Variants in AGBL1 observed in about 807,000 individuals in gnomAD.
The protein encoded by AGBL1 is cytosolic carboxypeptidase 4.
In AGBL1, 130 loss-of-function variants were observed where a neutral mutation model predicts 118.9. The ratio of observed to expected loss-of-function variants is 1.09; its 90% CI spans 0.95 to 1.26. The LOEUF is 1.26. Ranked by LOEUF, AGBL1 falls within the 50% of genes most tolerant of loss-of-function variation. The probability of loss-of-function intolerance (pLI) is 0.00; values close to 1 mark genes in which losing one functional copy is unlikely to be tolerated. For missense variants in AGBL1, 1,584 were observed against 1,298.1 expected, an observed-to-expected ratio of 1.22 and a Z score of -3.38; for synonymous variants, 555 against 478.9, an observed-to-expected ratio of 1.16 and a Z score of -2.08.
chr15:86,490,397 C>T (rs185512068), intron 18 of AGBL1, among the ~76,000 whole-genome samples: 8 of 152,174 alleles, frequency 5.3e-5, no homozygotes, highest in Non-Finnish European at 1.0e-4. Flanking sequence ...AACCTCTGCT[C>T]GTTAGAACGA....
At chr15:86,817,552 CAG>C (rs1215610261) in intron 22 of AGBL1, among the ~76,000 whole-genome samples, 5 of 130,184 alleles carry the variant, frequency 3.8e-5, no homozygotes, top group Admixed American at 8.1e-5. Flanking sequence ...CACAGACACA[CAG>C]AGGAGAGAGA....
At chr15:86,742,122 A>G (rs1386624163) in intron 22 of AGBL1, among the ~76,000 whole-genome samples, 2 of 152,100 alleles carry the variant, frequency 1.3e-5, no homozygotes, top group Non-Finnish European at 2.9e-5. Context: ...TGAGCCATCT[A>G]TACTCACTGA....
At chr15:86,121,474 AAACAGTGGTGCTT>A (rs1247114739) in intron 1 of AGBL1, among the ~76,000 whole-genome samples, 2 of 152,218 alleles carry the variant, frequency 1.3e-5, no homozygotes, top group African/African-American at 4.8e-5. Flanking sequence ...TTAGAGTTTC[AAACAGTGGTGCTT>A]GCTACTTTGG....
intron 9 of AGBL1, among the ~76,000 whole-genome samples, chr15:86,259,168 A>T (rs1018350548): frequency 6.6e-6 from 1 of 152,118 alleles, no homozygotes; most frequent in African/African-American, 2.4e-5. Flanking sequence ...AGCATTCCTC[A>T]CCTCTACCCA....
intron 22 of AGBL1, among the ~76,000 whole-genome samples, chr15:86,869,379 G>A (rs189390580): frequency 6.6e-6 from 1 of 152,064 alleles, no homozygotes; most frequent in Non-Finnish European, 1.5e-5. Flanking sequence ...CTGCCTCAGA[G>A]CCGCTCAACA....
chr15:86,148,312 C>T (rs189211854), intron 3 of AGBL1, among the ~76,000 whole-genome samples: 10 of 152,154 alleles, frequency 6.6e-5, no homozygotes, highest in South Asian at 2.1e-4. Context: ...TTCAAAAGGT[C>T]GGTAATAACA....
At chr15:86,621,723 G>A (rs992157546) in intron 21 of AGBL1, among the ~76,000 whole-genome samples, 4 of 152,162 alleles carry the variant, frequency 2.6e-5, no homozygotes, top group Non-Finnish European at 5.9e-5. Context: ...TATTCAATGC[G>A]ATATAGCCTT....
At chr15:86,590,651 A>G (rs2084321536) in intron 21 of AGBL1, among the ~76,000 whole-genome samples, 1 of 152,190 alleles carries the variant, frequency 6.6e-6, no homozygotes, top group African/African-American at 2.4e-5. Context: ...ACCCTCAGAG[A>G]CAATAGATAG....
chr15:86,791,441 G>A (rs1318692926), intron 22 of AGBL1, among the ~76,000 whole-genome samples: 5 of 152,110 alleles, frequency 3.3e-5, no homozygotes, highest in African/African-American at 4.8e-5. Context: ...CATAGCAGGT[G>A]CTCGGTAAAT....
At position 86,098,043 on chromosome 15, in the gene AGBL1, T is replaced by C. The variant is rs562600686; in HGVS notation, c.51+18020T>C. Among the ~76,000 whole-genome samples the C allele has an allele frequency of 3.9e-5, 6 of 152,314 alleles. No individual in the cohort carries two copies. The South Asian group carries it at 1.2e-3, about 32-fold the overall frequency. On this transcript the variant is annotated intron_variant, in intron 1 of 22. Transcript: ENST00000614907. ...GGTAAGATATTATCTCAGTGTAGTTTTGATTTGCATTTCCCTGATGTTTAG... is the reference window on the plus strand; with the variant it reads ...GGTAAGATATTATCTCAGTGTAGTTCTGATTTGCATTTCCCTGATGTTTAG...
chr15:86,718,918 T>G (rs1270854123), intron 22 of AGBL1, among the ~76,000 whole-genome samples: 1 of 152,194 alleles, frequency 6.6e-6, no homozygotes, highest in Non-Finnish European at 1.5e-5. Flanking sequence ...CATTTCTGAA[T>G]AAATTTGATT....
rs770556494 is a variant in AGBL1 at position 86,870,454 on chromosome 15, C to CAAAA, written c.3159-36594_3159-36591dup. On this transcript the variant is annotated intron_variant, in intron 22 of 22. Coordinates refer to ENST00000614907, the MANE Select transcript of AGBL1 (RefSeq NM_001386094.1). ...GGCAAGAAAAAAGTAAAGCATACTG[C>CAAAA]AAAAAAAAAAAAAAAAAAAAAAAAA... Among the ~76,000 whole-genome samples, 141 of 64,014 alleles carry CAAAA rather than the reference C, an allele frequency of 2.2e-3. 3 individuals carry two copies. The highest frequency in any genetic ancestry group is 2.9e-3 in the Non-Finnish European group (104 of 36,110). 42.0% of individuals were successfully genotyped at this position (64,014 alleles called of 152,430 possible).
chr15:86,881,329 G>A (rs1408148926), intron 22 of AGBL1, among the ~76,000 whole-genome samples: 2 of 152,098 alleles, frequency 1.3e-5, no homozygotes, highest in East Asian at 3.9e-4. Flanking sequence ...GTCTTTTACT[G>A]CAAACCTCCA....
chr15:86,378,728 G>T (rs892619499), intron 17 of AGBL1, among the ~76,000 whole-genome samples: 20 of 151,874 alleles, frequency 1.3e-4, no homozygotes, highest in African/African-American at 4.8e-4. Context: ...AACAAATTGA[G>T]GCCACATGTA....
At chr15:86,102,632 T>C (rs1294454077) in intron 1 of AGBL1, among the ~76,000 whole-genome samples, 2 of 152,256 alleles carry the variant, frequency 1.3e-5, no homozygotes, top group East Asian at 3.9e-4. Flanking sequence ...GCCTGTAAGG[T>C]TTCTGTTGAG....
intron 22 of AGBL1, among the ~76,000 whole-genome samples, chr15:86,787,936 G>A (rs1192388846): frequency 6.6e-6 from 1 of 151,686 alleles, no homozygotes; most frequent in Non-Finnish European, 1.5e-5. Context: ...ACTAATTCTT[G>A]CTATTTAATT....
intron 23 of AGBL1, among the ~76,000 whole-genome samples, chr15:86,970,589 G>GT (rs1229330612): frequency 6.6e-6 from 1 of 151,926 alleles, no homozygotes; most frequent in Non-Finnish European, 1.5e-5. Flanking sequence ...TTCAGAGTTA[G>GT]TTTTCTAAAC....
intron 5 of AGBL1, among the ~76,000 whole-genome samples, chr15:86,180,577 A>G (rs923557405): frequency 2.0e-5 from 3 of 152,148 alleles, no homozygotes; most frequent in Non-Finnish European, 4.4e-5. Flanking sequence ...CATTTCTGGA[A>G]GAAAACACAG....
intron 23 of AGBL1, among the ~76,000 whole-genome samples, chr15:86,971,550 G>C (rs757965362): frequency 6.6e-6 from 1 of 151,858 alleles, no homozygotes; most frequent in Non-Finnish European, 1.5e-5. Context: ...AGAAAACACT[G>C]AGCTCTATGA....
Sources: gnomAD v4.1 joint callset for allele counts (sites outside exome capture counted in the v4.1 genomes callset) on GRCh38, gnomAD v4.1.1 for gene constraint, MANE v1.5 for transcripts, NCBI Gene and HGNC (gene_info 2026-07-23, HGNC 2026-07-21) for gene names.